The following ST6GAL1 variants were observed in gnomAD, a reference collection of about 807,000 sequenced individuals.
The protein encoded by ST6GAL1 is beta-galactoside alpha-2,6-sialyltransferase 1.
Under a neutral mutation model 38.0 loss-of-function variants are expected in ST6GAL1, and 20 were observed. The observed-to-expected ratio is 0.53, with a 90% CI of 0.37 to 0.77. ST6GAL1 has a LOEUF of 0.77. Among genes scored for constraint, ST6GAL1 ranks in the 30% least tolerant of loss-of-function variants. ST6GAL1 has a pLI of 0.00. For synonymous variants in ST6GAL1, 196 were observed against 188.2 expected (o/e 1.04, Z -0.34); for missense variants, 432 against 496.4 (o/e 0.87, Z 1.23).
intron 5 of ST6GAL1, among the ~76,000 whole-genome samples, chr3:187,058,469 A>G (rs9844388): frequency 6.6e-6 from 1 of 151,990 alleles, no homozygotes; most frequent in Non-Finnish European, 1.5e-5. Context: ...AACTTAACTT[A>G]TTTGTAAGTG....
At chr3:187,031,099 A>T (rs3892779) in intron 2 of ST6GAL1, among the ~76,000 whole-genome samples, 70,659 of 152,020 alleles carry the variant, frequency 0.46, 18,059 homozygotes, top group African/African-American at 0.68. Flanking sequence ...GATAAATGTC[A>T]CATAGTTTGA....
At chr3:187,024,126 G>T (rs115857664) in intron 2 of ST6GAL1, among the ~76,000 whole-genome samples, 1 of 151,292 alleles carries the variant, frequency 6.6e-6, no homozygotes, top group South Asian at 2.1e-4. Context: ...ACAAAGTCTC[G>T]CTGTGTCACC....
chr3:186,960,661 T>C (rs1012328098), intron 1 of ST6GAL1, among the ~76,000 whole-genome samples: 95 of 150,946 alleles, frequency 6.3e-4, no homozygotes, highest in African/African-American at 3.9e-4. Context: ...ATCTACTTAA[T>C]AGAAAAAAAA....
chr3:186,986,340 C>G (rs1715920021), intron 2 of ST6GAL1: 1 of 152,142 alleles, frequency 6.6e-6, no homozygotes, highest in African/African-American at 2.4e-5. Flanking sequence ...TCTATCATGC[C>G]TGGCACATAG....
At chr3:187,018,271 T>C (rs1317539115) in intron 2 of ST6GAL1, among the ~76,000 whole-genome samples, 5 of 152,152 alleles carry the variant, frequency 3.3e-5, no homozygotes, top group Admixed American at 3.3e-4. Flanking sequence ...TTAGGGGCTG[T>C]TGGGGGTGGT....
intron 2 of ST6GAL1, among the ~76,000 whole-genome samples, chr3:187,010,960 C>G (rs1370781547): frequency 6.6e-6 from 1 of 152,226 alleles, no homozygotes. Flanking sequence ...CTAGCCCCTT[C>G]TTCGGGGCCG....
intron 2 of ST6GAL1, among the ~76,000 whole-genome samples, chr3:187,032,456 C>A (rs914395829): frequency 5.3e-5 from 8 of 152,156 alleles, no homozygotes; most frequent in Non-Finnish European, 7.4e-5. Context: ...GGAGTAAGAG[C>A]TGTGAACCCG....
chr3:187,053,814 A>T (rs1718596204), intron 5 of ST6GAL1, among the ~76,000 whole-genome samples: 1 of 152,168 alleles, frequency 6.6e-6, no homozygotes, highest in Non-Finnish European at 1.5e-5. Flanking sequence ...ACTTTAAAGT[A>T]GTTTTTTCCA....
At chr3:186,934,396 A>C (rs1713865855) in intron 1 of ST6GAL1, among the ~76,000 whole-genome samples, 1 of 151,842 alleles carries the variant, frequency 6.6e-6, no homozygotes, top group Non-Finnish European at 1.5e-5. Flanking sequence ...ATCTCTACAA[A>C]AAATAAAAGA....
chr3:186,967,992 G>A (rs1045400340), intron 2 of ST6GAL1, among the ~76,000 whole-genome samples: 1 of 152,236 alleles, frequency 6.6e-6, no homozygotes, highest in Non-Finnish European at 1.5e-5. Flanking sequence ...GAGAGAGAGG[G>A]TGTCATTTTA....
intron 2 of ST6GAL1, among the ~76,000 whole-genome samples, chr3:186,990,647 GTTC>G (rs1716131705): frequency 7.6e-6 from 1 of 131,196 alleles, no homozygotes; most frequent in Non-Finnish European, 1.6e-5. Context: ...CCTACAGGAT[GTTC>G]TTTTTTTTTT....
intron 2 of ST6GAL1, among the ~76,000 whole-genome samples, chr3:186,986,125 G>A (rs1352283820): frequency 6.6e-6 from 1 of 152,194 alleles, no homozygotes; most frequent in South Asian, 2.1e-4. Context: ...AAGAGACCCC[G>A]CCATAAGGAA....
At chr3:187,003,654 A>G (rs368238635) in intron 2 of ST6GAL1, among the ~76,000 whole-genome samples, 2 of 152,190 alleles carry the variant, frequency 1.3e-5, no homozygotes, top group African/African-American at 2.4e-5. Flanking sequence ...AACAGTATAT[A>G]AGATATATTT....
intron 5 of ST6GAL1, among the ~76,000 whole-genome samples, chr3:187,063,108 A>G (rs1032078427): frequency 2.0e-5 from 3 of 152,228 alleles, no homozygotes; most frequent in Admixed American, 6.5e-5. Context: ...TATGTTATGT[A>G]TATTTTAAAA....
intron 2 of ST6GAL1, among the ~76,000 whole-genome samples, chr3:186,988,704 A>T (rs1716043996): frequency 6.6e-6 from 1 of 152,152 alleles, no homozygotes; most frequent in South Asian, 2.1e-4. Flanking sequence ...ACTTGAGGTC[A>T]GAAGTTCGAG....
intron 5 of ST6GAL1, among the ~76,000 whole-genome samples, chr3:187,056,827 T>A (rs1021991534): frequency 2.6e-5 from 4 of 152,174 alleles, no homozygotes; most frequent in African/African-American, 9.7e-5. Flanking sequence ...TCTCTGTATT[T>A]CCTGAATTTG....
At position 187,074,341 on chromosome 3, in the gene ST6GAL1, C is replaced by T; in HGVS notation, c.979+8C>T. 6.4e-7 allele frequency: 1 copy of T among 1,559,604 alleles called. No homozygotes were observed. ...CATCCTCTGGGATGCTTGGTGAGTT[C>T]ATGTCGGGGAAAAGACCTTGCATGT... On this transcript the variant is annotated splice_region_variant and intron_variant, in intron 7 of 7. Transcript: ENST00000169298.
At chr3:187,045,466 T>C (rs778975045) in intron 4 of ST6GAL1, among the ~76,000 whole-genome samples, 2 of 152,228 alleles carry the variant, frequency 1.3e-5, no homozygotes, top group Non-Finnish European at 2.9e-5. Context: ...TGTCAAACAG[T>C]AGCATAATTT....
chr3:187,042,669 C>T lies in ST6GAL1; in HGVS notation c.-35C>T. The stretch of plus-strand genomic sequence containing the variant: ...CTTTTTTTAGGCTTGTTTTCCTGCT[C>T]AGAACAAAGTGACTTCCCTGAACAC... On this transcript the variant is annotated 5_prime_UTR_variant, in exon 4 of 8. Transcript: ENST00000169298. The T allele has an allele frequency of 6.4e-7, 1 of 1,552,308 alleles. No homozygotes were observed. Among genetic ancestry groups the T allele is most frequent in the Non-Finnish European group, 8.7e-7 (1 of 1,155,034 alleles).
Sources: gnomAD v4.1 joint callset for allele counts (sites outside exome capture counted in the v4.1 genomes callset) on GRCh38, gnomAD v4.1.1 for gene constraint, MANE v1.5 for transcripts, NCBI Gene and HGNC (gene_info 2026-07-23, HGNC 2026-07-21) for gene names.